TAB3: variants seen among roughly 807,000 people sequenced by gnomAD.
TAB3 encodes TGF-beta activated kinase 1 (MAP3K7) binding protein 3.
TAB3 carries 18 observed loss-of-function variants against 48.1 expected under a neutral mutation model. That is an observed-to-expected ratio of 0.37 (90% CI 0.26 to 0.55). The LOEUF (loss-of-function observed/expected upper bound fraction) is 0.55, where lower values mean the gene tolerates loss of function less well. TAB3 is among the 20% of genes least tolerant of loss of function. The probability of loss-of-function intolerance (pLI) is 0.78; values close to 1 mark genes in which losing one functional copy is unlikely to be tolerated. For synonymous variants in TAB3, 185 were observed against 190.2 expected, an observed-to-expected ratio of 0.97 and a Z score of 0.22; for missense variants, 414 against 549.8, an observed-to-expected ratio of 0.75 and a Z score of 2.47.
At chrX:30,869,960 G>A (rs1360399289) in intron 2 of TAB3, among the ~76,000 whole-genome samples, 1 of 112,490 alleles carries the variant, frequency 8.9e-6, no homozygotes, top group Non-Finnish European at 1.9e-5. Context: ...ACTAGATCAC[G>A]ATTAAAATGT....
rs769411916 is a variant in TAB3 at position 30,834,113 on chromosome X, C to A, written c.1928G>T (p.Arg643Ile). 1 of 1,209,800 alleles carries A rather than the reference C, an allele frequency of 8.3e-7. No individual in the cohort carries two copies. The highest frequency in any genetic ancestry group is 1.1e-6 in the Non-Finnish European group (1 of 895,222). Residue 643 changes from arginine (R) to isoleucine (I), a missense_variant, in exon 10 of 11, where the codon AGA becomes ATA. Transcript: ENST00000288422. The stretch of plus-strand genomic sequence containing the variant: ...CTGTACTTTGGAGGTCACGCTAATT[C>A]TTCGGGCTTTTCTCTCAATTGTGCA... ...DPCTIERKAR[R>I]ISVTSKVQAD...
intron 1 of TAB3, among the ~76,000 whole-genome samples, chrX:30,886,482 G>C (rs1265422346): frequency 9.0e-6 from 1 of 111,509 alleles, no homozygotes; most frequent in Non-Finnish European, 1.9e-5. Flanking sequence ...AAGATGCCAA[G>C]GGATTACTTA....
At chrX:30,868,312 T>TATATATATATATATATATATA (rs1410557148) in intron 2 of TAB3, among the ~76,000 whole-genome samples, 26 of 2,412 alleles carry the variant, frequency 0.011, 11 homozygotes, top group Middle Eastern at 0.2. Flanking sequence ...TATATATATA[T>TATATATATATATATATATATA]AGCTTATATA....
chrX:30,854,290 C>T lies in TAB3; in HGVS notation c.1375G>A (p.Val459Ile), dbSNP rs781002773. 10 of 1,211,256 alleles carry T rather than the reference C, an allele frequency of 8.3e-6. No individual in the cohort carries two copies. The highest frequency in any genetic ancestry group is 1.8e-5 in the South Asian group (1 of 56,940). The change falls in exon 6 of 11, where the codon GTA (valine) becomes ATA (isoleucine). Residue 459 changes from valine (V) to isoleucine (I), a missense_variant. Coordinates refer to ENST00000288422, the MANE Select transcript of TAB3 (RefSeq NM_152787.5). The part of the protein sequence containing the change: ...PNPTTVFKIT[V>I]GRATTENLLN... ...AGATTTTCAGTCGTTGCTCGGCCTA[C>T]GGTAATTTTAAAAACTGTAGTTGGG...
At chrX:30,863,258 G>A (rs1210731141) in intron 4 of TAB3, among the ~76,000 whole-genome samples, 1 of 112,363 alleles carries the variant, frequency 8.9e-6, no homozygotes, top group Non-Finnish European at 1.9e-5. Flanking sequence ...GTATTTCACA[G>A]TAATATATAA....
At chrX:30,842,487 A>T (rs1245212405) in intron 9 of TAB3, among the ~76,000 whole-genome samples, 1 of 112,099 alleles carries the variant, frequency 8.9e-6, no homozygotes, top group Non-Finnish European at 1.9e-5. Context: ...TGTTTGTAAA[A>T]AATTATATAG....
intron 9 of TAB3, among the ~76,000 whole-genome samples, chrX:30,840,713 C>A (rs928688318): frequency 9.0e-6 from 1 of 111,219 alleles, no homozygotes; most frequent in African/African-American, 3.3e-5. Context: ...ATTGTGAGGC[C>A]CGCCCAGTCT....
intron 9 of TAB3, among the ~76,000 whole-genome samples, chrX:30,842,427 A>T (rs773265322): frequency 8.9e-6 from 1 of 112,199 alleles, no homozygotes; most frequent in African/African-American, 3.2e-5. Context: ...AGTTTTTACA[A>T]TGCTAAGTAA....
rs1348507747 is a variant in TAB3 at position 30,868,611 on chromosome X, AGAGAGAGC to A, written c.-279-1070_-279-1063del. ...TAGAGAGAGAGAGAGAGAGAGAGAG[AGAGAGAGC>A]GCGTGGGGGGGAGAGACAGAGAGAG... On this transcript the variant is annotated intron_variant, in intron 2 of 10. Transcript: ENST00000288422. Among the ~76,000 whole-genome samples, 127 of 73,840 alleles carry A rather than the reference AGAGAGAGC, an allele frequency of 1.7e-3. 30 individuals carry two copies. Among genetic ancestry groups the A allele is most frequent in the African/African-American group, 5.9e-3 (111 of 18,949 alleles). The allele number at this position is 73,840 out of a possible 115,157, so 64.1% of individuals were successfully genotyped here.
At chrX:30,846,010 C>G in intron 8 of TAB3, 1 of 1,016,221 alleles carries the variant, frequency 9.8e-7, no homozygotes, top group Non-Finnish European at 1.3e-6. Context: ...AAATGAAGAC[C>G]ATCTCTAATC....
chrX:30,831,497 T>C lies in TAB3; in HGVS notation c.2069A>G (p.Asp690Gly). The C allele has an allele frequency of 8.3e-7, 1 of 1,211,379 alleles. No homozygotes were observed. Among genetic ancestry groups the C allele is most frequent in the Admixed American group, 2.2e-5 (1 of 46,006 alleles). The stretch of plus-strand genomic sequence containing the variant: ...TGGGTGGTTAAGAAAGGTGCAGCTA[T>C]CACAATTCCATGGAGCCCCTTCGTA... ...EDYEGAPWNC[D>G]SCTFLNHPAL... is the part of the protein sequence containing the mutation. Residue 690 changes from aspartate to glycine, a missense_variant, in exon 11 of 11, where the codon GAT (aspartate) becomes GGT (glycine). By Grantham distance (94) the Asp-to-Gly change is moderately conservative (BLOSUM62 -1). Transcript: ENST00000288422.
At chrX:30,858,791 T>G (rs1939156032) in intron 5 of TAB3, among the ~76,000 whole-genome samples, 1 of 111,796 alleles carries the variant, frequency 8.9e-6, no homozygotes, top group Non-Finnish European at 1.9e-5. Flanking sequence ...CTTCTCTGTT[T>G]GTTGTCCCCT....
At chrX:30,888,802 G>A (rs939774269) in intron 1 of TAB3, among the ~76,000 whole-genome samples, 3 of 112,642 alleles carry the variant, frequency 2.7e-5, no homozygotes, top group Non-Finnish European at 5.6e-5. Context: ...CCTAGGGTCC[G>A]GCGAGGAAGG....
intron 1 of TAB3, among the ~76,000 whole-genome samples, chrX:30,878,180 T>C (rs1569227287): frequency 9.0e-6 from 1 of 111,712 alleles, no homozygotes; most frequent in Non-Finnish European, 1.9e-5. Context: ...TGCATTAGTA[T>C]CTCAGGGGCA....
rs758603668 is a variant in TAB3 at position 30,888,424 on chromosome X, T to C, written c.-383+690A>G. ...TACACTTTAACACATTAACAAACTT[T>C]GGATCTTTTTATGCAGCTTACTTTA... On this transcript the variant is annotated intron_variant, in intron 1 of 10. Transcript: ENST00000288422. Among the ~76,000 whole-genome samples the C allele has an allele frequency of 3.6e-5, 4 of 112,466 alleles. No homozygotes were observed. The South Asian group carries it at 1.1e-3, about 31-fold the overall frequency.
intron 7 of TAB3, among the ~76,000 whole-genome samples, chrX:30,852,298 C>A (rs1938881996): frequency 8.9e-6 from 1 of 112,241 alleles, no homozygotes; most frequent in Non-Finnish European, 1.9e-5. Flanking sequence ...TTATACTTAA[C>A]AAAACTGCTC....
At chrX:30,837,044 T>C (rs1423019301) in intron 9 of TAB3, among the ~76,000 whole-genome samples, 1 of 75,243 alleles carries the variant, frequency 1.3e-5, no homozygotes, top group Non-Finnish European at 2.3e-5. Flanking sequence ...ATGACATCTT[T>C]TTTTTTTTTT....
chrX:30,876,788 T>G (rs1939852490), intron 1 of TAB3, among the ~76,000 whole-genome samples: 1 of 111,136 alleles, frequency 9.0e-6, no homozygotes, highest in Non-Finnish European at 1.9e-5. Flanking sequence ...AAACCGAAAC[T>G]AAGAATTCAA....
chrX:30,877,852 C>T (rs1191988028), intron 1 of TAB3, among the ~76,000 whole-genome samples: 3 of 111,620 alleles, frequency 2.7e-5, no homozygotes, highest in African/African-American at 6.5e-5. Flanking sequence ...AAATCTACAA[C>T]TATATGTTGC....
Sources: allele counts gnomAD v4.1 joint callset (sites outside exome capture counted in the v4.1 genomes callset), GRCh38; gene constraint gnomAD v4.1.1; transcripts MANE v1.5; gene names NCBI Gene and HGNC (gene_info 2026-07-23, HGNC 2026-07-21).